KDM6B: variants seen among roughly 807,000 people sequenced by gnomAD.
KDM6B encodes lysine-specific demethylase 6B.
In KDM6B, 22 loss-of-function variants were observed where a neutral mutation model predicts 150.4. The ratio of observed to expected loss-of-function variants is 0.15; its 90% CI spans 0.10 to 0.21. KDM6B has a LOEUF of 0.21. KDM6B is among the 10% of genes least tolerant of loss of function. KDM6B has a pLI of 1.00. For synonymous variants in KDM6B, 1,148 were observed against 921.1 expected (o/e 1.25, Z -4.46); for missense variants, 1,984 against 2,234.3 (o/e 0.89, Z 2.26).
chr17:7,852,919 C>A (rs1185446718), intron 21 of KDM6B, 81 bp from the exon 22 acceptor site: 12 of 1,590,638 alleles, frequency 7.5e-6, no homozygotes, highest in Non-Finnish European at 1.0e-5. Flanking sequence ...CCTGGGGCTG[C>A]CCACCCCTCT....
At chr17:7,846,377 G>GGCCCCCCCCCCCCCC in intron 7 of KDM6B, 23 bp from the exon 8 acceptor site, 2 of 1,479,498 alleles carry the variant, frequency 1.4e-6, no homozygotes, top group Non-Finnish European at 1.8e-6. Flanking sequence ...ATCTGCCCCT[G>GGCCCCCCCCCCCCCC]CCCCGTGTCC....
At position 7,847,313 on chromosome 17, in the gene KDM6B, G is replaced by T; in HGVS notation, c.1118G>T (p.Ser373Ile). The change falls in exon 11 of 24, where the codon AGC (serine) becomes ATC (isoleucine). Residue 373 changes from serine (S) to isoleucine (I), a missense_variant. Around this residue, in one of 13 missense-constraint regions of KDM6B, gnomAD observed 1,379 missense variants for 1,275.6 expected, o/e 1.08. Coordinates refer to ENST00000448097, the MANE Select transcript of KDM6B (RefSeq NM_001348716.2). Reference protein sequence around the residue: ...SRVQRSRMDSSVSPAATTACV... With the variant: ...SRVQRSRMDSIVSPAATTACV... ...GTTCAGAGGTCGCGGATGGACTCCA[G>T]CGTTTCACCAGCAGCAACCACCGCC... 1.9e-6 allele frequency: 3 copies of T among 1,607,662 alleles called. No individual in the cohort carries two copies. The highest frequency in any genetic ancestry group is 2.5e-6 in the Non-Finnish European group (3 of 1,179,838).
rs749764600 is a variant in KDM6B, at chr17:7,849,623, G to A, written c.3335G>A (p.Ser1112Asn). 3.1e-6 allele frequency: 5 copies of A among 1,611,642 alleles called. No individual in the cohort carries two copies. In the East Asian group the frequency reaches 8.9e-5, roughly 29 times the overall value. ...AAGATCCGGCTCATCAAGGTAGAGA[G>A]TGGTGACAAGGAGACCTTTATCGCC... ...ELKIRLIKVESGDKETFIASE... is the reference protein window; with the variant it reads ...ELKIRLIKVENGDKETFIASE... The change falls in exon 12 of 24, where the codon AGT (serine) becomes AAT (asparagine). Residue 1112 changes from serine to asparagine, a missense_variant. Physicochemically the swap from Ser to Asn is conservative, Grantham distance 46. Coordinates refer to ENST00000448097, the MANE Select transcript of KDM6B (RefSeq NM_001348716.2).
intron 5 of KDM6B, 50 bp from the exon 6 acceptor site, chr17:7,845,822 G>A (rs1174283728): frequency 3.8e-6 from 6 of 1,593,776 alleles, no homozygotes; most frequent in East Asian, 2.2e-5. Flanking sequence ...GCCTAGGTAG[G>A]ACAAGACTGC....
rs1443715375 is a variant in KDM6B, at chr17:7,854,432, A to T, written c.*911A>T. On this transcript the variant is annotated 3_prime_UTR_variant, in exon 24 of 24. Transcript: ENST00000448097. The stretch of plus-strand genomic sequence containing the variant: ...TAAAAAAAATAAATAAAATAAAAAA[A>T]TTAAAGGTTTTAAAGAAAGAACTAT... 1 of 152,404 alleles carries T rather than the reference A, an allele frequency of 6.6e-6. No individual in the cohort carries two copies. The highest frequency in any genetic ancestry group is 1.5e-5 in the Non-Finnish European group (1 of 68,036). The allele number at this position is 152,404 out of a possible 1,614,324, so 9.4% of individuals were successfully genotyped here.
In KDM6B at chr17:7,847,674, A is replaced by G. The variant is rs372202287; in HGVS notation, c.1386A>G (p.Pro462=). The change falls in exon 12 of 24, where the codon CCA becomes CCG. Residue 462 remains proline (P), a synonymous_variant. Transcript: ENST00000448097. ...APAATPHLSL[P]PGPSSPPPPP... is the part of the protein sequence containing the mutation. ...CTGCCACTCCCCACCTATCCCTGCC[A>G]CCTGGACCTTCCTCACCCCCTCCAC... 3 of 1,597,748 alleles carry G rather than the reference A, an allele frequency of 1.9e-6. No homozygotes were observed. Among genetic ancestry groups the G allele is most frequent in the Non-Finnish European group, 2.6e-6 (3 of 1,172,860 alleles).
rs1350244594 is a variant in KDM6B, at chr17:7,851,324, G to A, written c.3880-6G>A. Reference sequence around the variant, plus strand: ...ACCCAGGCCTGCCTACCCTCTGGCTGAACAGGAGGAGAAGGAGAGTGAGGA... The same window carrying A: ...ACCCAGGCCTGCCTACCCTCTGGCTAAACAGGAGGAGAAGGAGAGTGAGGA... On this transcript the variant is annotated splice_polypyrimidine_tract_variant and splice_region_variant and intron_variant, in intron 15 of 23. Transcript: ENST00000448097. 5 of 1,613,962 alleles carry A rather than the reference G, an allele frequency of 3.1e-6. No homozygotes were observed. Among genetic ancestry groups the A allele is most frequent in the African/African-American group, 2.7e-5 (2 of 74,938 alleles).
At position 7,847,216 on chromosome 17, in the gene KDM6B, C is replaced by T. The variant is rs765542074; in HGVS notation, c.1021C>T (p.Pro341Ser). ...PAAPPGPGPRPPGAESHGCLP... is the reference protein window; with the variant it reads ...PAAPPGPGPRSPGAESHGCLP... Reference sequence around the variant, plus strand: ...TGCTCCCCCAGGCCCAGGCCCCCGCCCCCCAGGAGCAGAGAGCCATGGCTG... The same window carrying T: ...TGCTCCCCCAGGCCCAGGCCCCCGCTCCCCAGGAGCAGAGAGCCATGGCTG... The change falls in exon 11 of 24, where the codon CCC becomes TCC. Residue 341 changes from proline to serine, a missense_variant. Physicochemically the swap from Pro to Ser is moderately conservative, Grantham distance 74. Transcript: ENST00000448097. 2.2e-5 allele frequency: 35 copies of T among 1,598,216 alleles called. No individual in the cohort carries two copies. In the African/African-American group the frequency reaches 2.5e-4, roughly 12 times the overall value.
At chr17:7,837,717 A>G (rs1296452956) in intron 1 of KDM6B, among the ~76,000 whole-genome samples, 1 of 152,172 alleles carries the variant, frequency 6.6e-6, no homozygotes, top group African/African-American at 2.4e-5. Flanking sequence ...AAAATGAGAT[A>G]ATTTATGCAA....
chr17:7,839,522 CAG>C (rs2078383554), intron 1 of KDM6B, among the ~76,000 whole-genome samples: 1 of 152,126 alleles, frequency 6.6e-6, no homozygotes, highest in Non-Finnish European at 1.5e-5. Flanking sequence ...GGAGAGGACA[CAG>C]AGCTGAAGGA....
chr17:7,853,999 C>T lies in KDM6B; in HGVS notation c.*478C>T, dbSNP rs148209702. The T allele has an allele frequency of 2.5e-3, 386 of 154,748 alleles. No homozygotes were observed. The highest frequency in any genetic ancestry group is 8.9e-3 in the African/African-American group (372 of 41,656). The allele number at this position is 154,748 out of a possible 1,614,324, so 9.6% of individuals were successfully genotyped here. On this transcript the variant is annotated 3_prime_UTR_variant, in exon 24 of 24. Transcript: ENST00000448097. ...CCTCCTTTTTTACTTCCAATGCTAG[C>T]TGTGACCCCTGTACATGTCTCTTTA...
Position 7,846,743 on chromosome 17 carries a change from G to T in KDM6B, c.711+3G>T. The T allele has an allele frequency of 6.2e-7, 1 of 1,614,064 alleles. No individual in the cohort carries two copies. Among genetic ancestry groups the T allele is most frequent in the Non-Finnish European group, 8.5e-7 (1 of 1,179,974 alleles). ...GGAGAGGCTGCAACTCTGAACAGGT[G>T]TGGGTATAGGGGGGCCAGCAGGCAG... On this transcript the variant is annotated splice_donor_region_variant and intron_variant, in intron 9 of 23. Transcript: ENST00000448097.
Position 7,848,278 on chromosome 17 carries a change from C to T in KDM6B, c.1990C>T (p.Pro664Ser), listed in dbSNP as rs2078607557. Residue 664 changes from proline to serine, a missense_variant, in exon 12 of 24, where the codon CCT (proline) becomes TCT (serine). Physicochemically the swap from Pro to Ser is moderately conservative, Grantham distance 74 (BLOSUM62 -1). This residue lies in a region of KDM6B where 1,379 missense variants were observed against 1,275.6 expected (regional missense o/e 1.08). Coordinates refer to ENST00000448097, the MANE Select transcript of KDM6B (RefSeq NM_001348716.2). ...QPVPPGVGEL[P>S]ARGPRLFDFP... ...TGTGCCGCCCGGGGTTGGGGAGCTG[C>T]CTGCCCGAGGCCCTCGACTCTTTGA... The T allele has an allele frequency of 6.2e-7, 1 of 1,612,340 alleles. No individual in the cohort carries two copies. Among genetic ancestry groups the T allele is most frequent in the Non-Finnish European group, 8.5e-7 (1 of 1,179,772 alleles).
In KDM6B at chr17:7,843,534, C is replaced by G. The variant is rs1378962851; in HGVS notation, c.-268-1367C>G. 2.0e-5 allele frequency among the ~76,000 whole-genome samples: 3 copies of G among 152,166 alleles called. No homozygotes were observed. Among genetic ancestry groups the G allele is most frequent in the African/African-American group, 7.2e-5 (3 of 41,428 alleles). On this transcript the variant is annotated intron_variant, in intron 2 of 23. Transcript: ENST00000448097. The surrounding 1 kb of genome is among the most constrained non-coding windows in gnomAD (Gnocchi z 4.5). ...CTTCGGGAAGGAAGGCTCTTTTCAC[C>G]AGAAACCCGTCTGCCCTTGTGGGCT...
intron 1 of KDM6B, among the ~76,000 whole-genome samples, chr17:7,838,514 A>G (rs1485191876): frequency 7.1e-5 from 1 of 14,044 alleles, no homozygotes; most frequent in Non-Finnish European, 1.6e-4. Context: ...GCTTGGGGCC[A>G]GGGCTGGTGA....
At position 7,852,861 on chromosome 17, in the gene KDM6B, C is replaced by T. The variant is rs2078727855; in HGVS notation, c.4611-139C>T. 35 of 1,316,258 alleles carry T rather than the reference C, an allele frequency of 2.7e-5. 2 individuals are homozygous for T. In the South Asian group the frequency reaches 4.1e-4, roughly 16 times the overall value. 81.5% of individuals were successfully genotyped at this position (1,316,258 alleles called of 1,614,324 possible). The stretch of plus-strand genomic sequence containing the variant: ...CTTCGCCTATAACAGATGCCCAGGA[C>T]AGAGGATGTGACCTAGACATGAAGC... On this transcript the variant is annotated intron_variant, in intron 21 of 23. Coordinates refer to ENST00000448097, the MANE Select transcript of KDM6B (RefSeq NM_001348716.2).
Position 7,849,507 on chromosome 17 carries a change from G to T in KDM6B, c.3219G>T (p.Lys1073Asn), listed in dbSNP as rs758448737. The T allele has an allele frequency of 2.7e-5, 43 of 1,612,864 alleles. No individual in the cohort carries two copies. In the Middle Eastern group the frequency reaches 5.0e-4, roughly 19 times the overall value. Residue 1073 changes from lysine (K) to asparagine (N), a missense_variant, in exon 12 of 24, where the codon AAG becomes AAT. This residue lies in a region of KDM6B where 1,379 missense variants were observed against 1,275.6 expected (regional missense o/e 1.08). Transcript: ENST00000448097. The part of the protein sequence containing the change: ...TPPSASVPGK[K>N]AREEAPGPPG... Reference sequence around the variant, plus strand: ...CGTCAGCCTCTGTCCCTGGAAAGAAGGCTCGGGAGGAAGCCCCAGGGCCAC... The same window carrying T: ...CGTCAGCCTCTGTCCCTGGAAAGAATGCTCGGGAGGAAGCCCCAGGGCCAC...
intron 2 of KDM6B, among the ~76,000 whole-genome samples, chr17:7,842,314 G>A (rs2078433866): frequency 6.6e-6 from 1 of 152,234 alleles, no homozygotes; most frequent in South Asian, 2.1e-4. Context: ...GGATGGAGAG[G>A]GTGTGGCCTC....
chr17:7,847,755 G>C lies in KDM6B; in HGVS notation c.1467G>C (p.Pro489=). ...CACCCCCTGCCTGGTTGAAGGGTCC[G>C]GCCTGCCGGGCAGCCCGAGAGGATG... ...PPPPPAWLKG[P]ACRAAREDGE... Residue 489 remains proline, a synonymous_variant, in exon 12 of 24, where the codon CCG becomes CCC. Coordinates refer to ENST00000448097, the MANE Select transcript of KDM6B (RefSeq NM_001348716.2). The C allele has an allele frequency of 6.5e-7, 1 of 1,534,200 alleles. No individual in the cohort carries two copies. Among genetic ancestry groups the C allele is most frequent in the Non-Finnish European group, 8.7e-7 (1 of 1,144,400 alleles).
Sources: allele counts gnomAD v4.1 joint callset (sites outside exome capture counted in the v4.1 genomes callset), GRCh38; gene constraint gnomAD v4.1.1; regional missense constraint gnomAD v4.1.1; non-coding constraint Gnocchi (gnomAD v3.1); transcripts MANE v1.5; gene names NCBI Gene and HGNC (gene_info 2026-07-23, HGNC 2026-07-21).